GFPT2: variants seen among roughly 807,000 people sequenced by gnomAD.
GFPT2 encodes glutamine--fructose-6-phosphate transaminase 2, also known as glutamine--fructose-6-phosphate aminotransferase [isomerizing] 2.
GFPT2 carries 62 observed loss-of-function variants against 85.6 expected under a neutral mutation model. The observed-to-expected ratio is 0.72, with a 90% CI of 0.59 to 0.90. The LOEUF (loss-of-function observed/expected upper bound fraction) is 0.90, where lower values mean the gene tolerates loss of function less well. GFPT2 is among the 40% of genes least tolerant of loss of function. The pLI is 0.00. For synonymous variants in GFPT2, 368 were observed against 344.5 expected (o/e 1.07, Z -0.75); for missense variants, 788 against 893.4 (o/e 0.88, Z 1.50).
At chr5:180,331,898 G>C (rs1764307353) in intron 4 of GFPT2, among the ~76,000 whole-genome samples, 1 of 152,204 alleles carries the variant, frequency 6.6e-6, no homozygotes, top group Admixed American at 6.5e-5. Flanking sequence ...GTCCCACGGG[G>C]ATGATGAGCC....
At position 180,330,911 on chromosome 5, in the gene GFPT2, G is replaced by A; in HGVS notation, c.400-77C>T. 1 of 1,335,628 alleles carries A rather than the reference G, an allele frequency of 7.5e-7. No homozygotes were observed. Among genetic ancestry groups the A allele is most frequent in the Non-Finnish European group, 1.1e-6 (1 of 942,720 alleles). 82.7% of individuals were successfully genotyped at this position (1,335,628 alleles called of 1,614,324 possible). On this transcript the variant is annotated intron_variant, in intron 5 of 18. Transcript: ENST00000253778. The surrounding 1 kb of genome is among the most constrained non-coding windows in gnomAD (Gnocchi z 4.4). ...GCCTGGCCAACTCCCTCTCCTCCCT[G>A]GTGATCTGCCCTTGGAGTGACTTAA... is the stretch of plus-strand genomic sequence containing the variant.
intron 9 of GFPT2, 100 bp downstream of exon 9, chr5:180,324,088 C>A: frequency 2.6e-6 from 2 of 757,628 alleles, no homozygotes; most frequent in Non-Finnish European, 2.3e-6. Flanking sequence ...TGCTGAGCCA[C>A]GATAGCTCAC....
intron 1 of GFPT2, among the ~76,000 whole-genome samples, chr5:180,350,997 C>G (rs937091463): frequency 3.3e-5 from 5 of 152,200 alleles, no homozygotes; most frequent in African/African-American, 4.8e-5. Flanking sequence ...GCTTCCCCAG[C>G]GTAAAGTGAA....
At position 180,301,529 on chromosome 5, in the gene GFPT2, T is replaced by G. The variant is rs929500375; in HGVS notation, c.*35A>C. 1 of 1,568,210 alleles carries G rather than the reference T, an allele frequency of 6.4e-7. No individual in the cohort carries two copies. The highest frequency in any genetic ancestry group is 2.2e-5 in the East Asian group (1 of 44,670). On this transcript the variant is annotated 3_prime_UTR_variant, in exon 19 of 19. Coordinates refer to ENST00000253778, the MANE Select transcript of GFPT2 (RefSeq NM_005110.4). Reference sequence around the variant, plus strand: ...CTGTTGGGACAGGTCTGGAATCAGATGAAAGGTGGTGATGGTCTTGTCACG... The same window carrying G: ...CTGTTGGGACAGGTCTGGAATCAGAGGAAAGGTGGTGATGGTCTTGTCACG...
At chr5:180,312,357 G>T in intron 15 of GFPT2, 73 bp downstream of exon 15, 1 of 818,030 alleles carries the variant, frequency 1.2e-6, no homozygotes, top group Non-Finnish European at 2.2e-6. Flanking sequence ...CTGTACAGGT[G>T]AGAGTCAACA....
At position 180,338,482 on chromosome 5, in the gene GFPT2, C is replaced by G. The variant is rs546586169; in HGVS notation, c.115+11G>C. On this transcript the variant is annotated intron_variant, in intron 2 of 18. Coordinates refer to ENST00000253778, the MANE Select transcript of GFPT2 (RefSeq NM_005110.4). The stretch of plus-strand genomic sequence containing the variant: ...GGTCCCCAGCCACGAGGCGGGCGGC[C>G]GCACACCCACCTGCCGAGTCGTAGC... 1.3e-6 allele frequency: 2 copies of G among 1,524,276 alleles called. No individual in the cohort carries two copies. Among genetic ancestry groups the G allele is most frequent in the Middle Eastern group, 1.9e-4 (1 of 5,154 alleles). 94.4% of individuals were successfully genotyped at this position (1,524,276 alleles called of 1,614,324 possible).
intron 7 of GFPT2, among the ~76,000 whole-genome samples, chr5:180,325,800 G>A (rs1449263629): frequency 3.9e-5 from 6 of 152,230 alleles, no homozygotes; most frequent in Non-Finnish European, 8.8e-5. Context: ...GCTGAAGCGC[G>A]CAGATCACGA....
At chr5:180,335,267 C>T (rs1050965442) in intron 4 of GFPT2, among the ~76,000 whole-genome samples, 1 of 152,192 alleles carries the variant, frequency 6.6e-6, no homozygotes, top group Admixed American at 6.5e-5. Flanking sequence ...TGGGAAGAGC[C>T]CCTGGGCTTC....
chr5:180,346,450 TCTC>T (rs1322368211), intron 1 of GFPT2, among the ~76,000 whole-genome samples: 1 of 151,880 alleles, frequency 6.6e-6, no homozygotes, highest in African/African-American at 2.4e-5. Flanking sequence ...ACTCCACCTT[TCTC>T]CTCCTGTTCA....
intron 1 of GFPT2, among the ~76,000 whole-genome samples, chr5:180,346,860 G>T (rs1204693666): frequency 1.3e-5 from 2 of 152,218 alleles, no homozygotes; most frequent in Non-Finnish European, 2.9e-5. Context: ...CGTAAGAAAG[G>T]CATCACTGGC....
chr5:180,331,501 T>C lies in GFPT2; in HGVS notation c.393A>G (p.Lys131=). 6.3e-7 allele frequency: 1 copy of C among 1,578,284 alleles called. No individual in the cohort carries two copies. Among genetic ancestry groups the C allele is most frequent in the African/African-American group, 1.3e-5 (1 of 74,328 alleles). Residue 131 remains lysine, a synonymous_variant, in exon 5 of 19, where the codon AAA becomes AAG. Transcript: ENST00000253778. ...GIITNYKDLR[K]FLESKGYEFE... ...CCTAGGGGAAGCATCTTACCAGAAA[T>C]TTCCTCAGATCTTTGTAATTTGTGA...
intron 14 of GFPT2, 81 bp downstream of exon 14, chr5:180,313,726 A>G: frequency 2.4e-6 from 3 of 1,270,398 alleles, no homozygotes; most frequent in East Asian, 2.7e-5. Context: ...GCGCGGGCAG[A>G]GCAGGCCGGA....
intron 13 of GFPT2, among the ~76,000 whole-genome samples, chr5:180,315,971 CAAAATGTTA>C (rs1417336056): frequency 1.3e-5 from 2 of 152,246 alleles, no homozygotes; most frequent in Non-Finnish European, 2.9e-5. Flanking sequence ...CTCAACCTAA[CAAAATGTTA>C]AAGGAGATGC....
chr5:180,343,457 G>C (rs1263038055), intron 1 of GFPT2, among the ~76,000 whole-genome samples: 1 of 152,270 alleles, frequency 6.6e-6, no homozygotes, highest in East Asian at 1.9e-4. Flanking sequence ...ACTGCAGTGA[G>C]AAAAGCTGCC....
intron 4 of GFPT2, among the ~76,000 whole-genome samples, chr5:180,334,053 C>T (rs987780672): frequency 6.6e-6 from 1 of 152,216 alleles, no homozygotes; most frequent in African/African-American, 2.4e-5. Context: ...GCCAGATGTA[C>T]ATTCTAGGTC....
At position 180,318,939 on chromosome 5, in the gene GFPT2, G is replaced by T; in HGVS notation, c.812C>A (p.Thr271Asn). ...GTCCTCCAGGAAGATGACCCGGTTG[G>T]TGTGCTCTATGATAGCGCTGGGGCA... is the stretch of plus-strand genomic sequence containing the variant. Reference protein sequence around the residue: ...ASDASAIIEHTNRVIFLEDDD... With the variant: ...ASDASAIIEHNNRVIFLEDDD... The change falls in exon 10 of 19, where the codon ACC becomes AAC. Residue 271 changes from threonine to asparagine, a missense_variant. Physicochemically the swap from Thr to Asn is moderately conservative, Grantham distance 65. Transcript: ENST00000253778. This position sits in a 1 kb window ranked among gnomAD's most constrained non-coding sequence, Gnocchi z 4.2. 6.2e-7 allele frequency: 1 copy of T among 1,613,068 alleles called. No individual in the cohort carries two copies. Among genetic ancestry groups the T allele is most frequent in the Non-Finnish European group, 8.5e-7 (1 of 1,180,022 alleles).
At chr5:180,309,912 G>A (rs560621834) in intron 15 of GFPT2, among the ~76,000 whole-genome samples, 12 of 151,378 alleles carry the variant, frequency 7.9e-5, no homozygotes, top group East Asian at 7.8e-4. Flanking sequence ...CCAGGTTCAC[G>A]CCATTCTTCT....
In GFPT2 at chr5:180,312,441, C is replaced by T. The variant is rs746813046; in HGVS notation, c.1535G>A (p.Arg512Lys). The T allele has an allele frequency of 1.9e-6, 3 of 1,579,780 alleles. No homozygotes were observed. The East Asian group carries it at 6.7e-5, about 35-fold the overall frequency. ...NRRQEIIRGL[R>K]SLPELIKEVL... ...ATTCTAGAACATACCAGGTAAAGATCTCAAGCCACGGATGATCTCTTGCCT... is the reference window on the plus strand; with the variant it reads ...ATTCTAGAACATACCAGGTAAAGATTTCAAGCCACGGATGATCTCTTGCCT... Residue 512 changes from arginine (R) to lysine (K), a missense_variant, in exon 15 of 19, where the codon AGA becomes AAA. Transcript: ENST00000253778.
intron 1 of GFPT2, among the ~76,000 whole-genome samples, chr5:180,350,371 T>C (rs1394832143): frequency 3.3e-5 from 5 of 152,254 alleles, no homozygotes; most frequent in Admixed American, 2.0e-4. Flanking sequence ...TTAAACCCTG[T>C]GCACCAAACA....
Sources: gnomAD v4.1 joint callset for allele counts (sites outside exome capture counted in the v4.1 genomes callset) on GRCh38, gnomAD v4.1.1 for gene constraint, Gnocchi (gnomAD v3.1) non-coding constraint, MANE v1.5 for transcripts, NCBI Gene and HGNC (gene_info 2026-07-23, HGNC 2026-07-21) for gene names.